Variants in FAM149B1 observed in about 807,000 individuals in gnomAD.
FAM149B1 encodes primary cilium assembly protein FAM149B1.
In FAM149B1, 56 loss-of-function variants were observed where a neutral mutation model predicts 75.3. That is an observed-to-expected ratio of 0.74 (90% CI 0.60 to 0.93). The LOEUF is 0.93. Ranked by LOEUF, FAM149B1 falls within the 40% of genes least tolerant of loss-of-function variation. The pLI, the probability that FAM149B1 is intolerant of heterozygous loss-of-function variation, is 0.00. For missense variants in FAM149B1, 639 were observed against 708.4 expected (o/e 0.90, Z 1.11); for synonymous variants, 259 against 256.1 (o/e 1.01, Z -0.11).
intron 3 of FAM149B1, among the ~76,000 whole-genome samples, chr10:73,186,852 G>A (rs779759512): frequency 2.6e-5 from 4 of 152,146 alleles, no homozygotes; most frequent in Non-Finnish European, 5.9e-5. Context: ...ACAGAAAGTA[G>A]ATTATTGGTG....
chr10:73,172,827 A>T (rs1234535658), intron 1 of FAM149B1, among the ~76,000 whole-genome samples: 1 of 151,990 alleles, frequency 6.6e-6, no homozygotes, highest in Non-Finnish European at 1.5e-5. Flanking sequence ...AAATTGGCCG[A>T]GTGCAGTGGC....
intron 3 of FAM149B1, among the ~76,000 whole-genome samples, chr10:73,181,396 C>A (rs1335182699): frequency 2.0e-5 from 3 of 152,156 alleles, no homozygotes; most frequent in Admixed American, 6.5e-5. Flanking sequence ...CAGCTGTAAA[C>A]TTCCCTCCTA....
At chr10:73,235,556 A>G (rs2043802714) in intron 12 of FAM149B1, 4 of 850,910 alleles carry the variant, frequency 4.7e-6, no homozygotes, top group African/African-American at 3.5e-5. Flanking sequence ...AACACTTAAG[A>G]TATGTCTGAC....
intron 10 of FAM149B1, 22 bp downstream of exon 10, chr10:73,233,185 TC>T: frequency 6.7e-7 from 1 of 1,492,568 alleles, no homozygotes; most frequent in South Asian, 1.2e-5. Flanking sequence ...AAGCAGAACT[TC>T]TGGAAACCGT....
At chr10:73,216,012 A>T in intron 7 of FAM149B1, among the ~76,000 whole-genome samples, 1 of 152,164 alleles carries the variant, frequency 6.6e-6, no homozygotes, top group Non-Finnish European at 1.5e-5. Context: ...TAAAATCCCC[A>T]CTATTATTGT....
At chr10:73,174,878 T>C (rs1843878189) in intron 2 of FAM149B1, 87 bp downstream of exon 2, 6 of 860,838 alleles carry the variant, frequency 7.0e-6, no homozygotes, top group Non-Finnish European at 7.4e-6. Context: ...TGTCAAGCCT[T>C]GTGCTAATGA....
At chr10:73,224,507 C>T (rs563391073) in intron 7 of FAM149B1, among the ~76,000 whole-genome samples, 12 of 149,174 alleles carry the variant, frequency 8.0e-5, no homozygotes, top group Admixed American at 1.3e-4. Context: ...AGTCTCGCTC[C>T]GTGGCCCAGG....
chr10:73,172,057 T>A (rs1029032865), intron 1 of FAM149B1, among the ~76,000 whole-genome samples: 11 of 151,854 alleles, frequency 7.2e-5, no homozygotes, highest in Non-Finnish European at 1.5e-4. Context: ...TTGTATGTAG[T>A]CATAGTGCCA....
chr10:73,199,325 C>T (rs1589156328), intron 5 of FAM149B1, among the ~76,000 whole-genome samples: 1 of 152,172 alleles, frequency 6.6e-6, no homozygotes, highest in East Asian at 1.9e-4. Flanking sequence ...TCATGCCATT[C>T]TCCTGCCTCA....
At chr10:73,207,559 G>C (rs2043095281) in intron 5 of FAM149B1, among the ~76,000 whole-genome samples, 1 of 151,228 alleles carries the variant, frequency 6.6e-6, no homozygotes, top group Admixed American at 6.6e-5. Flanking sequence ...ACGAGACTCT[G>C]TCTCTCAAAA....
intron 7 of FAM149B1, among the ~76,000 whole-genome samples, chr10:73,221,290 A>C (rs1271252360): frequency 6.6e-6 from 1 of 152,242 alleles, no homozygotes; most frequent in Non-Finnish European, 1.5e-5. Flanking sequence ...TATTTTTAAA[A>C]AAATTTTTAA....
chr10:73,207,426 T>C (rs967559166), intron 5 of FAM149B1, among the ~76,000 whole-genome samples: 5 of 151,900 alleles, frequency 3.3e-5, no homozygotes, highest in Non-Finnish European at 5.9e-5. Flanking sequence ...TAGCTGAGTG[T>C]AGTGGTGCTC....
intron 3 of FAM149B1, among the ~76,000 whole-genome samples, chr10:73,189,627 T>G (rs530039532): frequency 1.3e-5 from 2 of 152,324 alleles, no homozygotes; most frequent in South Asian, 4.1e-4. Context: ...TTCTCCTGAA[T>G]GAAGGAAGCC....
chr10:73,209,694 C>T (rs1431586389), intron 6 of FAM149B1, among the ~76,000 whole-genome samples: 2 of 152,206 alleles, frequency 1.3e-5, no homozygotes. Flanking sequence ...TCAATCCAGT[C>T]TTCTCTTCAC....
At chr10:73,206,053 G>A (rs1472005549) in intron 5 of FAM149B1, among the ~76,000 whole-genome samples, 3 of 152,198 alleles carry the variant, frequency 2.0e-5, no homozygotes, top group Non-Finnish European at 4.4e-5. Context: ...AAATGGTTGT[G>A]ACCAAAATGC....
intron 3 of FAM149B1, among the ~76,000 whole-genome samples, chr10:73,179,240 GGCATGA>G (rs1242342047): frequency 1.3e-5 from 2 of 152,162 alleles, no homozygotes; most frequent in Non-Finnish European, 2.9e-5. Context: ...TGGGATTACA[GGCATGA>G]GCCACCATGC....
chr10:73,239,763 A>G (rs1029768927), intron 13 of FAM149B1, among the ~76,000 whole-genome samples: 3 of 152,118 alleles, frequency 2.0e-5, no homozygotes, highest in Non-Finnish European at 2.9e-5. Flanking sequence ...CAAAATCCAT[A>G]TTCCTATGGA....
intron 3 of FAM149B1, among the ~76,000 whole-genome samples, chr10:73,178,414 G>A (rs912307904): frequency 2.0e-5 from 3 of 151,948 alleles, no homozygotes; most frequent in Admixed American, 6.6e-5. Context: ...TGGCTTGAAC[G>A]CGGGAGGTGG....
intron 5 of FAM149B1, among the ~76,000 whole-genome samples, chr10:73,207,830 T>A (rs908593048): frequency 1.2e-4 from 19 of 152,250 alleles, no homozygotes; most frequent in African/African-American, 3.9e-4. Flanking sequence ...ACTCCCATTG[T>A]ATCTTGGAAG....
Sources: gnomAD v4.1 joint callset for allele counts (sites outside exome capture counted in the v4.1 genomes callset) on GRCh38, gnomAD v4.1.1 for gene constraint, MANE v1.5 for transcripts, NCBI Gene and HGNC (gene_info 2026-07-23, HGNC 2026-07-21) for gene names.